SOX6: variants seen among roughly 807,000 people sequenced by gnomAD.
SOX6 encodes the protein SRY-box transcription factor 6.
In SOX6, 11 loss-of-function variants were observed where a neutral mutation model predicts 97.8. The ratio of observed to expected loss-of-function variants is 0.11; its 90% CI spans 0.07 to 0.19. The LOEUF is 0.19. Among genes scored for constraint, SOX6 ranks in the 10% least tolerant of loss-of-function variants. The probability of loss-of-function intolerance (pLI) is 1.00; values close to 1 mark genes in which losing one functional copy is unlikely to be tolerated. For missense variants in SOX6, 810 were observed against 1,039.5 expected (o/e 0.78, Z 3.04); for synonymous variants, 360 against 371.4 (o/e 0.97, Z 0.35).
intron 2 of SOX6, among the ~76,000 whole-genome samples, chr11:16,715,893 T>C (rs1246688683): frequency 6.6e-6 from 1 of 152,054 alleles, no homozygotes; most frequent in Admixed American, 6.6e-5. Flanking sequence ...TAGTAAGAAA[T>C]TTCAAAGTTC....
chr11:16,245,690 C>G (rs2134191598), intron 3 of SOX6, among the ~76,000 whole-genome samples: 1 of 151,594 alleles, frequency 6.6e-6, no homozygotes, highest in Admixed American at 6.6e-5. Context: ...TATGAAATGT[C>G]CTTCTTTATC....
intron 9 of SOX6, among the ~76,000 whole-genome samples, chr11:16,083,181 A>T (rs1034901876): frequency 5.3e-5 from 8 of 152,210 alleles, no homozygotes; most frequent in African/African-American, 1.7e-4. Context: ...GAACACATCT[A>T]TTTTAACAAT....
intron 1 of SOX6, among the ~76,000 whole-genome samples, chr11:16,349,620 AT>A (rs1326430585): frequency 3.3e-5 from 5 of 149,266 alleles, no homozygotes; most frequent in Admixed American, 6.7e-5. Context: ...TGTCAAAAAA[AT>A]AAATAAATAA....
intron 4 of SOX6, among the ~76,000 whole-genome samples, chr11:16,490,502 T>G (rs1860494869): frequency 6.6e-6 from 1 of 152,088 alleles, no homozygotes; most frequent in Non-Finnish European, 1.5e-5. Flanking sequence ...TTTAGAAAGT[T>G]CTGAGTTAAA....
At position 16,298,452 on chromosome 11, in the gene SOX6, A is replaced by T. The variant is rs140857419; in HGVS notation, c.445+19994T>A. On this transcript the variant is annotated intron_variant, in intron 3 of 15. Transcript: ENST00000683767. ...TGAATATAGCCTCTCATAATCTAGAACATATTATCAGCTACCTATGTGATG... is the reference window on the plus strand; with the variant it reads ...TGAATATAGCCTCTCATAATCTAGATCATATTATCAGCTACCTATGTGATG... Among the ~76,000 whole-genome samples the T allele has an allele frequency of 3.4e-3, 515 of 152,262 alleles. 4 individuals are homozygous for T. The highest frequency in any genetic ancestry group is 0.011 in the African/African-American group (456 of 41,568).
intron 12 of SOX6, among the ~76,000 whole-genome samples, chr11:16,035,981 C>T (rs911994501): frequency 4.6e-5 from 7 of 151,906 alleles, no homozygotes; most frequent in African/African-American, 1.7e-4. Flanking sequence ...CACCCTGTGG[C>T]TGGATTTGGG....
At chr11:16,060,545 TTCTG>T (rs1455462064) in intron 9 of SOX6, among the ~76,000 whole-genome samples, 2 of 152,004 alleles carry the variant, frequency 1.3e-5, no homozygotes, top group South Asian at 2.1e-4. Flanking sequence ...AATATCCATA[TTCTG>T]TCTAACAAAA....
At chr11:16,017,349 T>C (rs1220497744) in intron 12 of SOX6, among the ~76,000 whole-genome samples, 2 of 152,038 alleles carry the variant, frequency 1.3e-5, no homozygotes, top group African/African-American at 4.8e-5. Flanking sequence ...GAATATCCCA[T>C]GAAACACTTG....
At chr11:15,994,093 CAT>C (rs1226821176) in intron 13 of SOX6, among the ~76,000 whole-genome samples, 3 of 152,120 alleles carry the variant, frequency 2.0e-5, no homozygotes, top group African/African-American at 7.2e-5. Flanking sequence ...AGATAAATAA[CAT>C]GTGCACTTTG....
intron 9 of SOX6, among the ~76,000 whole-genome samples, chr11:16,081,950 T>C (rs1033894113): frequency 6.6e-6 from 1 of 152,174 alleles, no homozygotes; most frequent in African/African-American, 2.4e-5. Flanking sequence ...GGTGCGACTG[T>C]GGAGTCATCG....
intron 4 of SOX6, among the ~76,000 whole-genome samples, chr11:16,229,276 T>C (rs1189908754): frequency 6.6e-6 from 1 of 152,116 alleles, no homozygotes; most frequent in Non-Finnish European, 1.5e-5. Context: ...ACTTATGGGA[T>C]GAATAAAGCT....
chr11:16,723,322 C>T lies in SOX6; in HGVS notation n.354-8417G>A, dbSNP rs527354411. On this transcript the variant is annotated intron_variant and non_coding_transcript_variant, in intron 2 of 5. Transcript: ENST00000524520. The stretch of plus-strand genomic sequence containing the variant: ...AGGAAACAACAGACACTGGGGGCTT[C>T]TTGCGGAGGGGGAAGGTGGGAGGAG... Among the ~76,000 whole-genome samples, 3 of 152,140 alleles carry T rather than the reference C, an allele frequency of 2.0e-5. No individual in the cohort carries two copies. The South Asian group carries it at 6.2e-4, about 32-fold the overall frequency.
At chr11:16,423,520 G>A (rs1268266946) in intron 1 of SOX6, among the ~76,000 whole-genome samples, 1 of 152,080 alleles carries the variant, frequency 6.6e-6, no homozygotes, top group Non-Finnish European at 1.5e-5. Context: ...AACATCTGAT[G>A]AACAAATGAG....
At chr11:16,165,485 A>C (rs1018392095) in intron 6 of SOX6, among the ~76,000 whole-genome samples, 1 of 152,238 alleles carries the variant, frequency 6.6e-6, no homozygotes, top group Non-Finnish European at 1.5e-5. Flanking sequence ...AAAAGATACC[A>C]GTCAGTAAAC....
At chr11:16,371,670 A>G (rs1430369334) in intron 1 of SOX6, among the ~76,000 whole-genome samples, 1 of 152,142 alleles carries the variant, frequency 6.6e-6, no homozygotes, top group Non-Finnish European at 1.5e-5. Context: ...TAGACACATT[A>G]TGTGATACAT....
At chr11:16,085,500 G>T (rs910421211) in intron 9 of SOX6, among the ~76,000 whole-genome samples, 3 of 152,066 alleles carry the variant, frequency 2.0e-5, no homozygotes, top group African/African-American at 7.2e-5. Flanking sequence ...TAGATGGAGG[G>T]AATTTCAAAA....
At chr11:16,721,849 A>G (rs1848269513) in intron 2 of SOX6, among the ~76,000 whole-genome samples, 1 of 151,816 alleles carries the variant, frequency 6.6e-6, no homozygotes, top group Non-Finnish European at 1.5e-5. Context: ...AATTGCACAG[A>G]CAAATGGAAC....
chr11:16,196,784 C>A (rs1851788838), intron 4 of SOX6, among the ~76,000 whole-genome samples: 2 of 151,574 alleles, frequency 1.3e-5, no homozygotes, highest in Non-Finnish European at 2.9e-5. Context: ...AATTTGGCTT[C>A]CCCAACAGAC....
chr11:16,521,753 A>G (rs1382807157), intron 4 of SOX6, among the ~76,000 whole-genome samples: 2 of 152,192 alleles, frequency 1.3e-5, no homozygotes, highest in African/African-American at 4.8e-5. Context: ...CGAATGTATA[A>G]CTAGAAGAAC....
Sources: allele counts gnomAD v4.1 joint callset (sites outside exome capture counted in the v4.1 genomes callset), GRCh38; gene constraint gnomAD v4.1.1; transcripts MANE v1.5; gene names NCBI Gene and HGNC (gene_info 2026-07-23, HGNC 2026-07-21).